Variants in PTPRQ observed in about 807,000 individuals in gnomAD.
The protein encoded by PTPRQ is phosphatidylinositol phosphatase PTPRQ.
A neutral mutation model predicts 246.0 loss-of-function variants in PTPRQ; 199 were observed. That is an observed-to-expected ratio of 0.81 (90% confidence interval 0.72 to 0.91). The LOEUF (loss-of-function observed/expected upper bound fraction) is 0.91. PTPRQ is among the 40% of genes least tolerant of loss of function. PTPRQ has a pLI of 0.00. For synonymous variants in PTPRQ, 869 were observed against 853.2 expected, an observed-to-expected ratio of 1.02 and a Z score of -0.32; for missense variants, 2,624 against 2,528.4, an observed-to-expected ratio of 1.04 and a Z score of -0.81.
chr12:80,477,880 C>T (rs976399559), intron 8 of PTPRQ, among the ~76,000 whole-genome samples: 5 of 152,300 alleles, frequency 3.3e-5, no homozygotes, highest in Middle Eastern at 3.4e-3. Context: ...GAGGGTCCTA[C>T]GCCCACGGAG....
At chr12:80,546,745 C>A in intron 24 of PTPRQ, 48 bp downstream of exon 24, 2 of 1,520,548 alleles carry the variant, frequency 1.3e-6, no homozygotes, top group Non-Finnish European at 1.8e-6. Flanking sequence ...ATATTTAACA[C>A]CTTTCTTTTC....
chr12:80,622,303 G>A (rs1279972613), intron 33 of PTPRQ, among the ~76,000 whole-genome samples, 169 bp downstream of exon 33: 1 of 151,894 alleles, frequency 6.6e-6, no homozygotes, highest in Non-Finnish European at 1.5e-5. Context: ...TTTCTTTTAG[G>A]TTTAGGAGTA....
intron 25 of PTPRQ, among the ~76,000 whole-genome samples, chr12:80,577,470 C>T (rs965530450): frequency 1.3e-5 from 2 of 152,142 alleles, no homozygotes; most frequent in African/African-American, 4.8e-5. Context: ...CCTGGTCCCT[C>T]CCATGACATA....
At chr12:80,445,848 G>T in intron 3 of PTPRQ, 131 bp downstream of exon 3, 1 of 614,766 alleles carries the variant, frequency 1.6e-6, no homozygotes, top group Middle Eastern at 4.3e-4. Flanking sequence ...CACAGTCATG[G>T]CCTCACACCC....
chr12:80,463,916 C>T (rs945560766), intron 6 of PTPRQ, among the ~76,000 whole-genome samples: 9 of 151,470 alleles, frequency 5.9e-5, no homozygotes, highest in African/African-American at 2.2e-4. Flanking sequence ...CAAAATCATG[C>T]CAAAATGTAA....
At chr12:80,542,959 A>T (rs1896199224) in intron 23 of PTPRQ, 78 bp downstream of exon 23, 1 of 956,246 alleles carries the variant, frequency 1.0e-6, no homozygotes. Flanking sequence ...ATAGGAGGAA[A>T]ATGGACTACT....
intron 25 of PTPRQ, among the ~76,000 whole-genome samples, chr12:80,550,563 T>C (rs1314716864): frequency 6.6e-6 from 1 of 152,132 alleles, no homozygotes; most frequent in Non-Finnish European, 1.5e-5. Context: ...CAGGATGGAA[T>C]AGTTACATTT....
At chr12:80,570,490 G>T (rs2120952894) in intron 25 of PTPRQ, among the ~76,000 whole-genome samples, 1 of 151,980 alleles carries the variant, frequency 6.6e-6, no homozygotes. Context: ...CTAGCTTTTT[G>T]TCAGGTGGAT....
intron 38 of PTPRQ, 75 bp downstream of exon 38, chr12:80,652,909 TTAATA>T (rs1321828862): frequency 5.2e-6 from 7 of 1,348,034 alleles, no homozygotes; most frequent in African/African-American, 3.1e-5. Context: ...TTTTGTTTCC[TTAATA>T]TATTTTATTT....
At chr12:80,610,935 A>G (rs990546343) in intron 28 of PTPRQ, among the ~76,000 whole-genome samples, 1 of 150,372 alleles carries the variant, frequency 6.7e-6, no homozygotes, top group Non-Finnish European at 1.5e-5. Context: ...CTAAGAGATA[A>G]TATTTCCAAC....
intron 6 of PTPRQ, among the ~76,000 whole-genome samples, chr12:80,466,464 T>A (rs1893418068): frequency 6.6e-6 from 1 of 152,212 alleles, no homozygotes; most frequent in Non-Finnish European, 1.5e-5. Flanking sequence ...GCCATCCCCA[T>A]CAAGCTACCA....
At chr12:80,657,684 G>A (rs1045771419) in intron 38 of PTPRQ, among the ~76,000 whole-genome samples, 3 of 151,634 alleles carry the variant, frequency 2.0e-5, no homozygotes, top group Non-Finnish European at 4.4e-5. Flanking sequence ...GATACGGAAA[G>A]ACATAGGTAA....
At chr12:80,511,844 A>G (rs146961414) in intron 17 of PTPRQ, among the ~76,000 whole-genome samples, 1 of 152,352 alleles carries the variant, frequency 6.6e-6, no homozygotes, top group East Asian at 1.9e-4. Flanking sequence ...GACAGGAAAT[A>G]AAGTTCAGGA....
intron 6 of PTPRQ, among the ~76,000 whole-genome samples, chr12:80,461,501 T>A (rs1043316489): frequency 6.6e-6 from 1 of 151,930 alleles, no homozygotes; most frequent in Non-Finnish European, 1.5e-5. Context: ...TTCATATATT[T>A]AATTATGGTA....
rs1041354136 is a variant in PTPRQ, at chr12:80,545,142, T to C, written c.3874-1414T>C. On this transcript the variant is annotated intron_variant, in intron 23 of 44. Transcript: ENST00000644991. The stretch of plus-strand genomic sequence containing the variant: ...CTAACCAAAATCATAATTTGCTTGT[T>C]TTGTGTTTAATTTTTTCTCATTCAG... Among the ~76,000 whole-genome samples, 16 of 152,112 alleles carry C rather than the reference T, an allele frequency of 1.1e-4. 1 individual carries two copies. The highest frequency in any genetic ancestry group is 3.9e-4 in the African/African-American group (16 of 41,444).
chr12:80,677,501 T>C (rs1445422482), intron 43 of PTPRQ, among the ~76,000 whole-genome samples: 1 of 152,198 alleles, frequency 6.6e-6, no homozygotes, highest in Non-Finnish European at 1.5e-5. Flanking sequence ...GAGAATTAAA[T>C]GAGACTAAGT....
chr12:80,529,817 T>G (rs1895792535), intron 17 of PTPRQ, among the ~76,000 whole-genome samples: 2 of 152,022 alleles, frequency 1.3e-5, no homozygotes, highest in East Asian at 1.9e-4. Flanking sequence ...GTAATTAAAT[T>G]TTTTTTTCAT....
intron 19 of PTPRQ, among the ~76,000 whole-genome samples, 199 bp from the exon 20 acceptor site, chr12:80,539,577 C>A (rs186007412): frequency 3.5e-4 from 53 of 152,068 alleles, no homozygotes; most frequent in African/African-American, 1.3e-3. Context: ...GCAATAAAAA[C>A]CACCATCTAT....
intron 17 of PTPRQ, among the ~76,000 whole-genome samples, chr12:80,517,865 T>C (rs1415773504): frequency 2.6e-5 from 4 of 152,188 alleles, no homozygotes; most frequent in Admixed American, 2.6e-4. Flanking sequence ...TACCACATTT[T>C]CTTTATCGAG....
Sources: allele counts gnomAD v4.1 joint callset (sites outside exome capture counted in the v4.1 genomes callset), GRCh38; gene constraint gnomAD v4.1.1; transcripts MANE v1.5; gene names NCBI Gene and HGNC (gene_info 2026-07-23, HGNC 2026-07-21).